Variants in CHRM3 observed in about 807,000 individuals in gnomAD.
The protein encoded by CHRM3 is cholinergic receptor muscarinic 3, also known as muscarinic acetylcholine receptor M3.
A neutral mutation model predicts 41.8 loss-of-function variants in CHRM3; 11 were observed. The observed-to-expected ratio is 0.26, with a 90% confidence interval of 0.17 to 0.44. The LOEUF (loss-of-function observed/expected upper bound fraction) is 0.44. Ranked by LOEUF, CHRM3 falls within the 20% of genes least tolerant of loss-of-function variation. The pLI is 1.00. For missense variants in CHRM3, 571 were observed against 745.4 expected (o/e 0.77, Z 2.72); for synonymous variants, 297 against 301.4 (o/e 0.99, Z 0.15).
At chr1:239,811,630 T>C (rs545695635) in intron 5 of CHRM3, among the ~76,000 whole-genome samples, 9 of 152,322 alleles carry the variant, frequency 5.9e-5, no homozygotes, top group African/African-American at 1.9e-4. Context: ...AAGCAAAGTC[T>C]CTCTCTCTTG....
chr1:239,715,166 T>C (rs1289509370), intron 5 of CHRM3, among the ~76,000 whole-genome samples: 1 of 152,136 alleles, frequency 6.6e-6, no homozygotes, highest in African/African-American at 2.4e-5. Context: ...ACTGATTACC[T>C]TGGAAATATC....
intron 5 of CHRM3, among the ~76,000 whole-genome samples, chr1:239,718,115 T>C (rs943651389): frequency 2.0e-5 from 3 of 152,008 alleles, no homozygotes; most frequent in Non-Finnish European, 4.4e-5. Context: ...TTACAAATAA[T>C]AGCAAAGCTT....
chr1:239,435,640 G>A (rs557805784), intron 1 of CHRM3, among the ~76,000 whole-genome samples: 1 of 151,870 alleles, frequency 6.6e-6, no homozygotes, highest in East Asian at 1.9e-4. Flanking sequence ...TTTTTGGTAA[G>A]TGTCCATACT....
Position 239,913,898 on chromosome 1 carries a change from C to T in CHRM3, c.*4674C>T, listed in dbSNP as rs942436413. The T allele has an allele frequency of 1.8e-5, 3 of 167,008 alleles. No individual in the cohort carries two copies. The highest frequency in any genetic ancestry group is 7.2e-5 in the African/African-American group (3 of 41,426). 10.3% of individuals were successfully genotyped at this position (167,008 alleles called of 1,614,324 possible). ...CAAATGCGTTGCTAGAATATCAGGC[C>T]TATGTTTGTTCTGGTAGAACCACAG... is the stretch of plus-strand genomic sequence containing the variant. On this transcript the variant is annotated 3_prime_UTR_variant, in exon 7 of 7. Coordinates refer to ENST00000676153, the MANE Select transcript of CHRM3 (RefSeq NM_001375978.1).
chr1:239,518,071 AC>A (rs1669389975), intron 2 of CHRM3, among the ~76,000 whole-genome samples: 1 of 152,140 alleles, frequency 6.6e-6, no homozygotes, highest in Admixed American at 6.5e-5. Flanking sequence ...ACTCCACTTC[AC>A]TCCAGCCTGG....
At chr1:239,721,653 A>G (rs1032110285) in intron 5 of CHRM3, among the ~76,000 whole-genome samples, 3 of 151,930 alleles carry the variant, frequency 2.0e-5, no homozygotes, top group African/African-American at 7.2e-5. Flanking sequence ...GTCAGTACAA[A>G]TGAAGAACAT....
intron 4 of CHRM3, among the ~76,000 whole-genome samples, chr1:239,673,763 T>C (rs1449800984): frequency 6.6e-6 from 1 of 152,196 alleles, no homozygotes; most frequent in Admixed American, 6.5e-5. Context: ...TTTTCCTTGT[T>C]GCTACCTATT....
chr1:239,897,983 G>A (rs1312241034), intron 6 of CHRM3: 1 of 151,938 alleles, frequency 6.6e-6, no homozygotes, highest in Admixed American at 6.6e-5. Context: ...GAGGGAGGAG[G>A]CAGCAAGATA....
intron 1 of CHRM3, among the ~76,000 whole-genome samples, chr1:239,457,586 G>A (rs1418982908): frequency 2.6e-5 from 4 of 152,080 alleles, no homozygotes; most frequent in Admixed American, 2.6e-4. Flanking sequence ...CTATTTGCAA[G>A]CAAAGCCATA....
At chr1:239,730,794 ACT>A (rs111953347) in intron 5 of CHRM3, among the ~76,000 whole-genome samples, 6 of 151,932 alleles carry the variant, frequency 3.9e-5, no homozygotes, top group African/African-American at 1.4e-4. Flanking sequence ...TAGAAAGATA[ACT>A]CTAGCAGAAG....
rs186804583 is a variant in CHRM3 at position 239,590,588 on chromosome 1, C to T, written c.-312-41636C>T. On this transcript the variant is annotated intron_variant, in intron 3 of 6. Transcript: ENST00000676153. The stretch of plus-strand genomic sequence containing the variant: ...AAAAAATTAGAGATTAAAAATTTCC[C>T]CTATCCCTCTTCTAGCTTCTCTTAC... 5.4e-4 allele frequency among the ~76,000 whole-genome samples: 82 copies of T among 152,016 alleles called. 2 individuals are homozygous for T. In the East Asian group the frequency reaches 0.015, roughly 29 times the overall value.
At chr1:239,841,001 GACCCAGCT>G (rs1335175259) in intron 6 of CHRM3, among the ~76,000 whole-genome samples, 1 of 152,156 alleles carries the variant, frequency 6.6e-6, no homozygotes, top group African/African-American at 2.4e-5. Context: ...CATTTACAAA[GACCCAGCT>G]ACCAAAGCAG....
intron 4 of CHRM3, among the ~76,000 whole-genome samples, chr1:239,642,937 G>A (rs1333463944): frequency 6.6e-6 from 1 of 152,138 alleles, no homozygotes; most frequent in African/African-American, 2.4e-5. Flanking sequence ...GTACAGATGG[G>A]TTTTTGGTGT....
intron 5 of CHRM3, among the ~76,000 whole-genome samples, chr1:239,768,649 T>A (rs981342481): frequency 5.9e-5 from 9 of 152,174 alleles, no homozygotes; most frequent in African/African-American, 2.2e-4. Context: ...TTAGACGCTG[T>A]GGTGATTGCT....
intron 4 of CHRM3, among the ~76,000 whole-genome samples, chr1:239,650,691 A>G (rs1672155668): frequency 6.6e-6 from 1 of 152,236 alleles, no homozygotes; most frequent in Non-Finnish European, 1.5e-5. Context: ...TCACTTCACT[A>G]AAAGTGAGGG....
chr1:239,494,603 T>C (rs1667763442), intron 2 of CHRM3, among the ~76,000 whole-genome samples: 1 of 152,152 alleles, frequency 6.6e-6, no homozygotes, highest in South Asian at 2.1e-4. Context: ...TATTGCATAG[T>C]TGAATATATG....
rs559279299 is a variant in CHRM3 at position 239,889,094 on chromosome 1, G to A, written c.-19-18339G>A. ...AGTAAAGAGTGGAAGTTTAACAGGC[G>A]TAAGAAACAGAATAGCTCTCTGCTG... On this transcript the variant is annotated intron_variant, in intron 6 of 6. Transcript: ENST00000676153. Among the ~76,000 whole-genome samples, 30 of 152,262 alleles carry A rather than the reference G, an allele frequency of 2.0e-4. 1 individual carries two copies. In the South Asian group the frequency reaches 5.8e-3, roughly 30 times the overall value.
chr1:239,695,091 A>T (rs1245369365), intron 5 of CHRM3, among the ~76,000 whole-genome samples: 1 of 152,122 alleles, frequency 6.6e-6, no homozygotes, highest in Non-Finnish European at 1.5e-5. Context: ...GCTCGCTGCA[A>T]CCTCTGCCTC....
chr1:239,413,816 T>A (rs887559707), intron 1 of CHRM3, among the ~76,000 whole-genome samples: 1 of 150,324 alleles, frequency 6.7e-6, no homozygotes, highest in East Asian at 2.0e-4. Flanking sequence ...TGCAGTGTAG[T>A]TCTGCGGTGT....
Sources: gnomAD v4.1 joint callset for allele counts (sites outside exome capture counted in the v4.1 genomes callset) on GRCh38, gnomAD v4.1.1 for gene constraint, MANE v1.5 for transcripts, NCBI Gene and HGNC (gene_info 2026-07-23, HGNC 2026-07-21) for gene names.